The following SGIP1 variants were observed in gnomAD, a reference collection of about 807,000 sequenced individuals.
The protein encoded by SGIP1 is SH3GL interacting endocytic adaptor 1.
In SGIP1, 38 loss-of-function variants were observed where a neutral mutation model predicts 107.5. That is an observed-to-expected ratio of 0.35 (90% CI 0.27 to 0.46). The LOEUF is 0.46. SGIP1 is among the 20% of genes least tolerant of loss of function. SGIP1 has a pLI of 1.00. For synonymous variants in SGIP1, 365 were observed against 366.1 expected, an observed-to-expected ratio of 1.00 and a Z score of 0.03; for missense variants, 929 against 1,019.5, an observed-to-expected ratio of 0.91 and a Z score of 1.21.
intron 1 of SGIP1, among the ~76,000 whole-genome samples, chr1:66,577,652 T>C (rs755833915): frequency 2.8e-4 from 43 of 152,180 alleles, no homozygotes; most frequent in Non-Finnish European, 4.7e-4. Flanking sequence ...AGGGATTTGT[T>C]TTTCTATGTA....
chr1:66,574,658 T>C (rs2060816208), intron 1 of SGIP1, among the ~76,000 whole-genome samples: 1 of 152,194 alleles, frequency 6.6e-6, no homozygotes, highest in South Asian at 2.1e-4. Context: ...CTTAAGCAAA[T>C]CTATCCTTGT....
intron 1 of SGIP1, among the ~76,000 whole-genome samples, chr1:66,576,365 T>A (rs947520168): frequency 2.0e-5 from 3 of 152,172 alleles, no homozygotes; most frequent in Non-Finnish European, 4.4e-5. Context: ...GTTAGGAGCA[T>A]GGGCTTCTGG....
Position 66,625,897 on chromosome 1 carries a change from G to A in SGIP1, c.61G>A (p.Asp21Asn). 1.2e-6 allele frequency: 2 copies of A among 1,612,392 alleles called. No individual in the cohort carries two copies. ...CTTTGGAATACGGAAGAAAGAAAAG[G>A]ACACTGATTCTACGTATGTACTTTA... ...KAFGIRKKEK[D>N]TDSTGSPDRD... Residue 21 changes from aspartate (D) to asparagine (N), a missense_variant, in exon 2 of 25, where the codon GAC (aspartate) becomes AAC (asparagine). Physicochemically the swap from Asp to Asn is conservative, Grantham distance 23. Coordinates refer to ENST00000371037, the MANE Select transcript of SGIP1 (RefSeq NM_032291.4).
intron 24 of SGIP1, among the ~76,000 whole-genome samples, chr1:66,742,031 A>G (rs1456386096): frequency 6.6e-6 from 1 of 152,098 alleles, no homozygotes; most frequent in South Asian, 2.1e-4. Flanking sequence ...CTCCTAAAGT[A>G]CTAAGATTAT....
At chr1:66,714,073 C>A (rs879861776) in intron 18 of SGIP1, among the ~76,000 whole-genome samples, 10 of 152,084 alleles carry the variant, frequency 6.6e-5, no homozygotes, top group African/African-American at 9.7e-5. Context: ...CTCACCCTGA[C>A]AAAAATGACA....
chr1:66,715,995 C>T (rs998049355), intron 18 of SGIP1, among the ~76,000 whole-genome samples: 25 of 152,110 alleles, frequency 1.6e-4, no homozygotes, highest in African/African-American at 6.0e-4. Flanking sequence ...GTGCTAAATG[C>T]TTTGCCTCAT....
At chr1:66,652,727 G>T (rs2079003554) in intron 7 of SGIP1, among the ~76,000 whole-genome samples, 1 of 151,876 alleles carries the variant, frequency 6.6e-6, no homozygotes. Context: ...TCAGCAGAAG[G>T]TTCAGCACCC....
chr1:66,659,400 A>G (rs900123894), intron 7 of SGIP1, among the ~76,000 whole-genome samples: 1 of 152,226 alleles, frequency 6.6e-6, no homozygotes, highest in African/African-American at 2.4e-5. Flanking sequence ...GGATGGGATC[A>G]AAGAAGAACT....
chr1:66,710,904 G>A (rs550537928), intron 18 of SGIP1, among the ~76,000 whole-genome samples: 5 of 152,138 alleles, frequency 3.3e-5, no homozygotes, highest in South Asian at 4.1e-4. Flanking sequence ...AGAGACCCTC[G>A]GAATAATGTA....
intron 7 of SGIP1, among the ~76,000 whole-genome samples, chr1:66,654,228 C>T (rs554084759): frequency 2.6e-5 from 4 of 152,236 alleles, no homozygotes; most frequent in Non-Finnish European, 5.9e-5. Flanking sequence ...TTGATCTTTT[C>T]CTCTTCAACT....
intron 15 of SGIP1, among the ~76,000 whole-genome samples, chr1:66,684,507 C>T (rs760458754): frequency 6.6e-6 from 1 of 152,190 alleles, no homozygotes; most frequent in Non-Finnish European, 1.5e-5. Flanking sequence ...AGACATTACT[C>T]GTCCGTTATA....
chr1:66,569,286 A>G (rs1217693764), intron 1 of SGIP1, among the ~76,000 whole-genome samples: 1 of 151,958 alleles, frequency 6.6e-6, no homozygotes, highest in Non-Finnish European at 1.5e-5. Context: ...GAGAGAGAAC[A>G]TCCTTGCTTT....
chr1:66,651,896 A>G (rs890007346), intron 7 of SGIP1, among the ~76,000 whole-genome samples: 6 of 152,174 alleles, frequency 3.9e-5, no homozygotes, highest in Non-Finnish European at 7.3e-5. Context: ...TCCCCTAATC[A>G]GTTAATCAAT....
chr1:66,643,495 G>A (rs371291193), intron 6 of SGIP1, 49 bp from the exon 7 acceptor site: 51 of 1,519,876 alleles, frequency 3.4e-5, no homozygotes, highest in East Asian at 7.2e-5. Context: ...TCTTGGAGTC[G>A]TTGCCTCCCA....
In SGIP1 at chr1:66,606,385, T is replaced by A. The variant is rs2066849353; in HGVS notation, c.11-19462T>A. On this transcript the variant is annotated intron_variant, in intron 1 of 24. Coordinates refer to ENST00000371037, the MANE Select transcript of SGIP1 (RefSeq NM_032291.4). ...TCATTGGTAATGACCAAGCTCTTTA[T>A]TTCTATTTCTGCTTCTGAAATAACT... is the stretch of plus-strand genomic sequence containing the variant. Among the ~76,000 whole-genome samples the A allele has an allele frequency of 2.6e-5, 4 of 152,254 alleles. No individual in the cohort carries two copies. The South Asian group carries it at 6.2e-4, about 24-fold the overall frequency.
At chr1:66,654,316 T>C (rs997660026) in intron 7 of SGIP1, among the ~76,000 whole-genome samples, 4 of 152,178 alleles carry the variant, frequency 2.6e-5, no homozygotes, top group Admixed American at 2.0e-4. Context: ...CTACAATGTG[T>C]AGGTTCTTTA....
intron 15 of SGIP1, among the ~76,000 whole-genome samples, chr1:66,688,431 A>T (rs2089014583): frequency 6.6e-6 from 1 of 152,206 alleles, no homozygotes; most frequent in Non-Finnish European, 1.5e-5. Flanking sequence ...GACAGCCAGA[A>T]AAGTAAATCC....
At chr1:66,619,312 A>C (rs1227470772) in intron 1 of SGIP1, among the ~76,000 whole-genome samples, 3 of 152,216 alleles carry the variant, frequency 2.0e-5, no homozygotes, top group Non-Finnish European at 4.4e-5. Flanking sequence ...CACCACAATA[A>C]AGAGCTATTA....
chr1:66,681,395 C>T (rs1287291734), intron 14 of SGIP1, among the ~76,000 whole-genome samples: 2 of 152,308 alleles, frequency 1.3e-5, no homozygotes, highest in South Asian at 2.1e-4. Context: ...AGTAGACAAT[C>T]TTTATAAAAT....
Sources: allele counts gnomAD v4.1 joint callset (sites outside exome capture counted in the v4.1 genomes callset), GRCh38; gene constraint gnomAD v4.1.1; transcripts MANE v1.5; gene names NCBI Gene and HGNC (gene_info 2026-07-23, HGNC 2026-07-21).